SEMA6A: variants seen among roughly 807,000 people sequenced by gnomAD.
SEMA6A encodes the protein semaphorin 6A.
Under a neutral mutation model 96.8 loss-of-function variants are expected in SEMA6A, and 25 were observed. The ratio of observed to expected loss-of-function variants is 0.26; its 90% CI spans 0.19 to 0.36. The LOEUF is 0.36. SEMA6A is among the 10% of genes least tolerant of loss of function. SEMA6A has a pLI of 1.00. For missense variants in SEMA6A, 1,363 were observed against 1,323.1 expected (o/e 1.03, Z -0.47); for synonymous variants, 612 against 518.0 (o/e 1.18, Z -2.46).
chr5:116,466,220 A>T (rs964205817), intron 18 of SEMA6A, among the ~76,000 whole-genome samples: 1 of 148,486 alleles, frequency 6.7e-6, no homozygotes, highest in African/African-American at 2.4e-5. Context: ...AAAAAAAAAA[A>T]TACAAAAATT....
chr5:116,503,943 C>G (rs1236105627), intron 2 of SEMA6A, among the ~76,000 whole-genome samples: 2 of 152,214 alleles, frequency 1.3e-5, no homozygotes, highest in African/African-American at 2.4e-5. Context: ...TGAACTTGAA[C>G]TACACATTTG....
chr5:116,504,463 T>G (rs1381057640), intron 2 of SEMA6A, among the ~76,000 whole-genome samples: 5 of 152,244 alleles, frequency 3.3e-5, no homozygotes, highest in African/African-American at 1.2e-4. Flanking sequence ...GTCATTACTT[T>G]TTGTTCATAT....
chr5:116,479,523 C>T (rs1178074968), intron 12 of SEMA6A, among the ~76,000 whole-genome samples: 1 of 152,206 alleles, frequency 6.6e-6, no homozygotes, highest in Admixed American at 6.5e-5. Context: ...TGTTTGATGG[C>T]TACCACAGTG....
chr5:116,567,738 CT>C (rs1210156661), intron 1 of SEMA6A, among the ~76,000 whole-genome samples: 4 of 152,180 alleles, frequency 2.6e-5, no homozygotes, highest in African/African-American at 9.7e-5. Context: ...CCAACGGTCC[CT>C]TCACATTTAT....
Position 116,572,534 on chromosome 5 carries a change from G to T in SEMA6A, c.-39+1651C>A, listed in dbSNP as rs539708801. Among the ~76,000 whole-genome samples the T allele has an allele frequency of 2.0e-5, 3 of 152,250 alleles. No individual in the cohort carries two copies. The East Asian group carries it at 5.8e-4, about 29-fold the overall frequency. On this transcript the variant is annotated intron_variant, in intron 1 of 18. Coordinates refer to ENST00000343348, the MANE Select transcript of SEMA6A (RefSeq NM_020796.5). ...GCTTCCTCCCTCCCTGGATAGCCAC[G>T]CTGGGAAATCGTGCGCAGGGAGCAG... is the stretch of plus-strand genomic sequence containing the variant.
At chr5:116,501,156 A>G (rs1460881917) in intron 3 of SEMA6A, among the ~76,000 whole-genome samples, 2 of 152,242 alleles carry the variant, frequency 1.3e-5, no homozygotes, top group African/African-American at 2.4e-5. Flanking sequence ...CACACTCCCA[A>G]AATGGAGGAT....
chr5:116,564,131 T>C (rs577151006), intron 1 of SEMA6A, among the ~76,000 whole-genome samples: 1 of 152,356 alleles, frequency 6.6e-6, no homozygotes, highest in Non-Finnish European at 1.5e-5. Flanking sequence ...GGGTAACGGA[T>C]GGGTCAACAA....
intron 15 of SEMA6A, 70 bp from the exon 16 acceptor site, chr5:116,475,673 G>T (rs1229547201): frequency 1.8e-6 from 2 of 1,142,850 alleles, no homozygotes; most frequent in African/African-American, 1.5e-5. Context: ...AATGAGTCAA[G>T]CTTCACTAAA....
rs1351440169 is a variant in SEMA6A at position 116,444,871 on chromosome 5, C to T, written c.*1742G>A. The T allele has an allele frequency of 6.6e-6, 1 of 152,560 alleles. No individual in the cohort carries two copies. The highest frequency in any genetic ancestry group is 2.4e-5 in the African/African-American group (1 of 41,446). The allele number at this position is 152,560 out of a possible 1,614,324, so 9.5% of individuals were successfully genotyped here. A position where few individuals can be genotyped will look rare whatever the true frequency, so the allele number is the denominator to read the frequency against. On this transcript the variant is annotated 3_prime_UTR_variant, in exon 19 of 19. Transcript: ENST00000343348. ...CCCAGGTGTCTGCCCAACCGCGCAC[C>T]GCCTGCTCTCTAGCCAGTGGACGCA... is the stretch of plus-strand genomic sequence containing the variant.
chr5:116,508,333 G>T (rs1192891028), intron 1 of SEMA6A: 3 of 152,228 alleles, frequency 2.0e-5, no homozygotes, highest in Admixed American at 2.0e-4. Context: ...GGGTCATTGT[G>T]TCAGCCAAGC....
At chr5:116,538,553 G>C in intron 1 of SEMA6A, among the ~76,000 whole-genome samples, 1 of 152,114 alleles carries the variant, frequency 6.6e-6, no homozygotes. Context: ...ATGTCTTGAA[G>C]ATCGTTCTGC....
chr5:116,504,010 A>G (rs575862910), intron 2 of SEMA6A, among the ~76,000 whole-genome samples: 15 of 152,276 alleles, frequency 9.9e-5, no homozygotes, highest in African/African-American at 3.4e-4. Flanking sequence ...CAGTTTTGCT[A>G]CCTCATTTTC....
intron 7 of SEMA6A, among the ~76,000 whole-genome samples, chr5:116,490,311 A>G (rs979126122): frequency 6.6e-6 from 1 of 152,158 alleles, no homozygotes; most frequent in Non-Finnish European, 1.5e-5. Flanking sequence ...TTCTTTATAT[A>G]AGACTATAGA....
intron 18 of SEMA6A, among the ~76,000 whole-genome samples, chr5:116,456,177 C>A (rs139183439): frequency 6.6e-6 from 1 of 152,130 alleles, no homozygotes; most frequent in Non-Finnish European, 1.5e-5. Flanking sequence ...CCATCAGCAA[C>A]GTGGAAAATG....
intron 1 of SEMA6A, among the ~76,000 whole-genome samples, chr5:116,551,877 A>G (rs1381949809): frequency 6.6e-6 from 1 of 152,232 alleles, no homozygotes; most frequent in Non-Finnish European, 1.5e-5. Context: ...TGGACTGACA[A>G]TGTAACGTAT....
In SEMA6A at chr5:116,478,027, C is replaced by G; in HGVS notation, c.1555G>C (p.Gly519Arg). 6.2e-7 allele frequency: 1 copy of G among 1,613,928 alleles called. No homozygotes were observed. The highest frequency in any genetic ancestry group is 2.2e-5 in the East Asian group (1 of 44,880). ...KVPLGRCERH[G>R]KCKKTCIASR... ...CAAAATACATACTTTTTACACTTCC[C>G]ATGTCGTTCACACCGGCCAAGGGGA... The change falls in exon 14 of 19, where the codon GGG becomes CGG. Residue 519 changes from glycine to arginine, a missense_variant. By Grantham distance (125) the Gly-to-Arg change is moderately radical (BLOSUM62 -2). This residue lies in a region of SEMA6A where 883 missense variants were observed against 763.6 expected (regional missense o/e 1.16). Transcript: ENST00000343348.
intron 15 of SEMA6A, among the ~76,000 whole-genome samples, chr5:116,477,219 A>G (rs1471284374): frequency 1.3e-5 from 2 of 152,130 alleles, no homozygotes; most frequent in Non-Finnish European, 2.9e-5. Flanking sequence ...AGCTAATGCC[A>G]TCTAAGCATT....
chr5:116,454,377 C>G (rs1754854111), intron 18 of SEMA6A, among the ~76,000 whole-genome samples: 1 of 152,102 alleles, frequency 6.6e-6, no homozygotes, highest in African/African-American at 2.4e-5. Context: ...ATCCTCATAA[C>G]AACTTGAGTG....
chr5:116,504,760 C>T, intron 2 of SEMA6A, 85 bp downstream of exon 2: 1 of 1,082,108 alleles, frequency 9.2e-7, no homozygotes, highest in Middle Eastern at 2.0e-4. Flanking sequence ...TATTCTATTT[C>T]ATTTTTCAGT....
Sources: allele counts gnomAD v4.1 joint callset (sites outside exome capture counted in the v4.1 genomes callset), GRCh38; gene constraint gnomAD v4.1.1; regional missense constraint gnomAD v4.1.1; transcripts MANE v1.5; gene names NCBI Gene and HGNC (gene_info 2026-07-23, HGNC 2026-07-21).